NAV1: variants seen among roughly 807,000 people sequenced by gnomAD.
NAV1 encodes the protein neuron navigator 1.
In NAV1, 18 loss-of-function variants were observed where a neutral mutation model predicts 175.2. The observed-to-expected ratio is 0.10, with a 90% CI of 0.07 to 0.15. The LOEUF is 0.15. NAV1 is among the 10% of genes least tolerant of loss of function. The probability of loss-of-function intolerance (pLI) is 1.00; values close to 1 mark genes in which losing one functional copy is unlikely to be tolerated. For synonymous variants in NAV1, 897 were observed against 978.7 expected (o/e 0.92, Z 1.56); for missense variants, 1,731 against 2,436.6 (o/e 0.71, Z 6.10).
At chr1:201,556,202 A>T (rs1253663768) in intron 1 of NAV1, among the ~76,000 whole-genome samples, 1 of 152,154 alleles carries the variant, frequency 6.6e-6, no homozygotes, top group East Asian at 1.9e-4. Context: ...GTTTGAGCCC[A>T]GGAGTTTGAG....
In NAV1 at chr1:201,753,206, T is replaced by G. The variant is rs143328562; in HGVS notation, c.1227-27215T>G. Among the ~76,000 whole-genome samples the G allele has an allele frequency of 2.1e-4, 32 of 152,288 alleles. No homozygotes were observed. The East Asian group carries it at 3.3e-3, about 16-fold the overall frequency. On this transcript the variant is annotated intron_variant, in intron 3 of 29. Transcript: ENST00000367296. ...AGAAAAAACTATCACGTAAATGCTT[T>G]TAAAATGGTCTATTTTGGAGCCACT... is the stretch of plus-strand genomic sequence containing the variant.
chr1:201,585,822 C>T (rs567703548), intron 1 of NAV1, among the ~76,000 whole-genome samples: 19 of 152,098 alleles, frequency 1.2e-4, no homozygotes, highest in African/African-American at 4.6e-4. Flanking sequence ...CAAGCATTGG[C>T]GATGATATGG....
intron 1 of NAV1, among the ~76,000 whole-genome samples, chr1:201,578,776 C>G (rs1185340172): frequency 6.6e-6 from 1 of 152,144 alleles, no homozygotes; most frequent in African/African-American, 2.4e-5. Context: ...AGTGAACTAT[C>G]TATCATCTAA....
rs755342815 is a variant in NAV1 at position 201,810,117 on chromosome 1, T to C, written c.4561+12T>C. ...AGTCTCCCTCAAAGGTCAGTCTTTG[T>C]CTCTTGGGGTGAGGTGGTGTGGCAT... is the stretch of plus-strand genomic sequence containing the variant. On this transcript the variant is annotated intron_variant, in intron 23 of 29. Transcript: ENST00000367296. This position sits in a 1 kb window ranked among gnomAD's most constrained non-coding sequence, Gnocchi z 6.0. 6.2e-7 allele frequency: 1 copy of C among 1,612,730 alleles called. No individual in the cohort carries two copies. The highest frequency in any genetic ancestry group is 1.1e-5 in the South Asian group (1 of 91,002).
At chr1:201,814,016 C>T (rs572349180) in intron 28 of NAV1, among the ~76,000 whole-genome samples, 5 of 152,200 alleles carry the variant, frequency 3.3e-5, no homozygotes, top group African/African-American at 9.6e-5. Flanking sequence ...TGAGATCACG[C>T]CACTGTACTC....
At chr1:201,629,827 C>T (rs188701448) in intron 2 of NAV1, among the ~76,000 whole-genome samples, 1 of 152,026 alleles carries the variant, frequency 6.6e-6, no homozygotes, top group Non-Finnish European at 1.5e-5. Context: ...CTGAGTGGTG[C>T]CCAGGTTGAA....
At chr1:201,583,923 C>T (rs1335268911) in intron 1 of NAV1, among the ~76,000 whole-genome samples, 1 of 152,180 alleles carries the variant, frequency 6.6e-6, no homozygotes, top group Non-Finnish European at 1.5e-5. Flanking sequence ...CACTTTGCAG[C>T]GTGTCCTTCA....
intron 1 of NAV1, among the ~76,000 whole-genome samples, chr1:201,578,557 A>G (rs1666758024): frequency 2.0e-5 from 3 of 152,178 alleles, no homozygotes; most frequent in South Asian, 2.1e-4. Context: ...CAGGCTCCGC[A>G]TATGGGCTCC....
chr1:201,689,575 G>C (rs1670819055), intron 1 of NAV1, among the ~76,000 whole-genome samples: 1 of 152,168 alleles, frequency 6.6e-6, no homozygotes. Flanking sequence ...ATTCTTGCCT[G>C]TTCTGGGGGT....
At position 201,809,494 on chromosome 1, in the gene NAV1, T is replaced by C. The variant is rs551254875; in HGVS notation, c.4358T>C (p.Val1453Ala). ...GGCTGTAGCAAGGTCAGTGGAAAAG[T>C]TGACTGGAAGATGCTGGATGAAGCT... Residue 1453 changes from valine (V) to alanine (A), a missense_variant, in exon 22 of 30, where the codon GTT becomes GCT. Val to Ala is a moderately conservative substitution (Grantham distance 64). Around this residue, in one of 13 missense-constraint regions of NAV1, gnomAD observed 122 missense variants for 139.4 expected, o/e 0.88. Coordinates refer to ENST00000367296, the Ensembl canonical transcript of NAV1. The C allele has an allele frequency of 5.0e-6, 8 of 1,614,060 alleles. No homozygotes were observed. The African/African-American group carries it at 6.7e-5, about 13-fold the overall frequency.
intron 1 of NAV1, among the ~76,000 whole-genome samples, chr1:201,582,720 C>T (rs907232487): frequency 2.6e-5 from 4 of 152,196 alleles, no homozygotes; most frequent in African/African-American, 7.2e-5. Flanking sequence ...GGTGGGCTTA[C>T]GTGAGGAAGC....
At chr1:201,677,881 C>T (rs1167705894) in intron 1 of NAV1, among the ~76,000 whole-genome samples, 2 of 152,122 alleles carry the variant, frequency 1.3e-5, no homozygotes, top group Non-Finnish European at 2.9e-5. Context: ...TTGCCCACCT[C>T]GGCTTCCCAA....
chr1:201,649,442 C>G lies in NAV1; in HGVS notation c.757+17C>G. ...AGATGCTGGGTAAGTCCTGCCGCCC[C>G]GCCCCGCCCCGCCCCTGGCTTTCTC... is the stretch of plus-strand genomic sequence containing the variant. On this transcript the variant is annotated intron_variant, in intron 1 of 29. Coordinates refer to ENST00000367296, the Ensembl canonical transcript of NAV1. 6.8e-7 allele frequency: 1 copy of G among 1,479,910 alleles called. No individual in the cohort carries two copies. The highest frequency in any genetic ancestry group is 9.0e-7 in the Non-Finnish European group (1 of 1,114,202). The allele number at this position is 1,479,910 out of a possible 1,614,324, so 91.7% of individuals were successfully genotyped here. A position where few individuals can be genotyped will look rare whatever the true frequency, so the allele number is the denominator to read the frequency against.
At position 201,648,844 on chromosome 1, in the gene NAV1, C is replaced by T; in HGVS notation, c.176C>T (p.Ala59Val). ...GGCGGCGGCGGCGGCATGGCCAAGG[C>T]CAGCGCGGCTGAGCTGAAGGTCTTC... Residue 59 changes from alanine to valine, a missense_variant, in exon 1 of 30, where the codon GCC (alanine) becomes GTC (valine). By Grantham distance (64) the Ala-to-Val change is moderately conservative. Around this residue, in one of 13 missense-constraint regions of NAV1, gnomAD observed 487 missense variants for 581.3 expected, o/e 0.84. Transcript: ENST00000367296. 5.0e-6 allele frequency: 8 copies of T among 1,609,630 alleles called. No homozygotes were observed. The highest frequency in any genetic ancestry group is 6.8e-6 in the Non-Finnish European group (8 of 1,178,912).
chr1:201,755,478 G>A (rs1220578807), intron 3 of NAV1, among the ~76,000 whole-genome samples: 2 of 152,090 alleles, frequency 1.3e-5, no homozygotes, highest in Non-Finnish European at 2.9e-5. Context: ...GAAAGAGGAG[G>A]AAGAGGAAGA....
chr1:201,689,115 C>T (rs552693334), intron 1 of NAV1, among the ~76,000 whole-genome samples: 9 of 152,308 alleles, frequency 5.9e-5, no homozygotes, highest in South Asian at 2.1e-4. Flanking sequence ...GCATTCTCAA[C>T]GAATTCTAAA....
chr1:201,790,797 G>A (rs770018873), intron 13 of NAV1, 31 bp downstream of exon 17: 1 of 1,611,692 alleles, frequency 6.2e-7, no homozygotes, highest in Non-Finnish European at 8.5e-7. Context: ...AAAGATCAAG[G>A]CAGTTATTTT....
At chr1:201,783,290 C>A in intron 6 of NAV1, 116 bp from the exon 11 acceptor site, 2 of 1,055,094 alleles carry the variant, frequency 1.9e-6, no homozygotes, top group Non-Finnish European at 1.4e-6. Context: ...TTAGGATAAG[C>A]CTCTGTGCTT....
chr1:201,697,899 A>G (rs1671255589), intron 1 of NAV1, among the ~76,000 whole-genome samples: 1 of 152,188 alleles, frequency 6.6e-6, no homozygotes, highest in Non-Finnish European at 1.5e-5. Flanking sequence ...TCAGGAGGAG[A>G]AAGACATGAA....
Sources: gnomAD v4.1 joint callset for allele counts (sites outside exome capture counted in the v4.1 genomes callset) on GRCh38, gnomAD v4.1.1 for gene constraint, gnomAD v4.1.1 regional missense constraint, Gnocchi (gnomAD v3.1) non-coding constraint, MANE v1.5 for transcripts, NCBI Gene and HGNC (gene_info 2026-07-23, HGNC 2026-07-21) for gene names.